The following NRG3 variants were observed in gnomAD, a reference collection of about 807,000 sequenced individuals.
NRG3 encodes pro-neuregulin-3, membrane-bound isoform.
NRG3 carries 31 observed loss-of-function variants against 66.9 expected under a neutral mutation model. The observed-to-expected ratio is 0.46, with a 90% CI of 0.35 to 0.63. The LOEUF is 0.63. Ranked by LOEUF, NRG3 falls within the 20% of genes least tolerant of loss-of-function variation. NRG3 has a pLI of 0.00. For synonymous variants in NRG3, 393 were observed against 359.4 expected, an observed-to-expected ratio of 1.09 and a Z score of -1.06; for missense variants, 910 against 878.9, an observed-to-expected ratio of 1.04 and a Z score of -0.45.
chr10:82,335,200 T>C (rs1726604406), intron 1 of NRG3, among the ~76,000 whole-genome samples: 1 of 152,186 alleles, frequency 6.6e-6, no homozygotes, highest in African/African-American at 2.4e-5. Context: ...TTAGGAGTGA[T>C]GATGTTTAGA....
At chr10:82,863,709 A>G (rs2064264636) in intron 3 of NRG3, among the ~76,000 whole-genome samples, 1 of 151,976 alleles carries the variant, frequency 6.6e-6, no homozygotes, top group African/African-American at 2.4e-5. Flanking sequence ...GGGTTGTACA[A>G]ACTTTATTCT....
intron 1 of NRG3, among the ~76,000 whole-genome samples, chr10:82,293,995 T>A (rs1248764403): frequency 6.6e-6 from 1 of 152,126 alleles, no homozygotes; most frequent in Non-Finnish European, 1.5e-5. Context: ...CCAGTTTGAA[T>A]TTGCTACTCT....
At chr10:82,773,364 T>C (rs1284731052) in intron 3 of NRG3, among the ~76,000 whole-genome samples, 3 of 152,184 alleles carry the variant, frequency 2.0e-5, no homozygotes, top group Admixed American at 1.3e-4. Flanking sequence ...AAATGAAATG[T>C]TGGGCATTGT....
At chr10:82,892,149 A>G (rs1843209927) in intron 4 of NRG3, among the ~76,000 whole-genome samples, 1 of 152,152 alleles carries the variant, frequency 6.6e-6, no homozygotes, top group African/African-American at 2.4e-5. Flanking sequence ...TAGATATAAG[A>G]GTTCTATTTT....
At position 82,591,816 on chromosome 10, in the gene NRG3, C is replaced by A. The variant is rs2046999602; in HGVS notation, c.954-146761C>A. Among the ~76,000 whole-genome samples, 3 of 152,196 alleles carry A rather than the reference C, an allele frequency of 2.0e-5. 1 individual carries two copies. The South Asian group carries it at 6.2e-4, about 32-fold the overall frequency. On this transcript the variant is annotated intron_variant, in intron 2 of 8. Transcript: ENST00000372141. ...TTTGTGAGTTATCAAATCTTTTAAG[C>A]AAAAAGGTTTTCTTTCTTCAGTCAC...
intron 1 of NRG3, among the ~76,000 whole-genome samples, chr10:82,242,785 G>A (rs1398396293): frequency 6.6e-6 from 1 of 152,146 alleles, no homozygotes; most frequent in African/African-American, 2.4e-5. Flanking sequence ...GTACATCTCA[G>A]GCAGGGAACC....
chr10:82,543,928 A>G (rs1381358537), intron 2 of NRG3, among the ~76,000 whole-genome samples: 1 of 152,210 alleles, frequency 6.6e-6, no homozygotes, highest in Non-Finnish European at 1.5e-5. Flanking sequence ...TATGACAACT[A>G]AGCAAAGACT....
At chr10:82,609,712 C>A (rs538429737) in intron 2 of NRG3, among the ~76,000 whole-genome samples, 2 of 152,116 alleles carry the variant, frequency 1.3e-5, no homozygotes, top group South Asian at 4.1e-4. Context: ...CAATGAAAAG[C>A]CAATGTAATG....
At chr10:82,417,622 A>G (rs2088676844) in intron 2 of NRG3, among the ~76,000 whole-genome samples, 1 of 152,204 alleles carries the variant, frequency 6.6e-6, no homozygotes, top group Non-Finnish European at 1.5e-5. Context: ...GGTGGTTGCT[A>G]TTAGATTTCC....
At chr10:82,828,713 A>G (rs187339094) in intron 3 of NRG3, among the ~76,000 whole-genome samples, 2 of 152,316 alleles carry the variant, frequency 1.3e-5, no homozygotes, top group East Asian at 3.9e-4. Flanking sequence ...ATTATAAACC[A>G]TGAAAGCTTA....
At chr10:82,244,962 G>A (rs2077170909) in intron 1 of NRG3, among the ~76,000 whole-genome samples, 2 of 152,032 alleles carry the variant, frequency 1.3e-5, no homozygotes, top group Admixed American at 1.3e-4. Context: ...TCAAACTCCT[G>A]AGCTCAATCT....
At position 82,515,198 on chromosome 10, in the gene NRG3, G is replaced by GA. The variant is rs965233551; in HGVS notation, c.953+156337dup. Among the ~76,000 whole-genome samples, 14 of 151,644 alleles carry GA rather than the reference G, an allele frequency of 9.2e-5. No individual in the cohort carries two copies. In the South Asian group the frequency reaches 1.0e-3, roughly 11 times the overall value. ...TTTCCAGTTGTGTCTAATTTCAAAA[G>GA]AAAAAAACAAACAATGTAACAGAAC... On this transcript the variant is annotated intron_variant, in intron 2 of 8. Coordinates refer to ENST00000372141, the MANE Select transcript of NRG3 (RefSeq NM_001010848.4).
At chr10:82,609,699 T>C (rs907403645) in intron 2 of NRG3, among the ~76,000 whole-genome samples, 4 of 152,160 alleles carry the variant, frequency 2.6e-5, no homozygotes, top group African/African-American at 9.7e-5. Flanking sequence ...CCAAACCTTA[T>C]TTCAATGAAA....
chr10:82,117,034 A>G (rs2067770345), intron 1 of NRG3, among the ~76,000 whole-genome samples: 3 of 152,060 alleles, frequency 2.0e-5, no homozygotes, highest in Non-Finnish European at 4.4e-5. Flanking sequence ...GTACCCCTAC[A>G]GCTCTTGCAC....
At chr10:82,620,515 C>T (rs2048974486) in intron 2 of NRG3, among the ~76,000 whole-genome samples, 1 of 152,090 alleles carries the variant, frequency 6.6e-6, no homozygotes, top group African/African-American at 2.4e-5. Context: ...CCCAGCCATC[C>T]CTCTGAAGTC....
At chr10:82,662,217 G>A (rs1292923579) in intron 2 of NRG3, among the ~76,000 whole-genome samples, 1 of 151,064 alleles carries the variant, frequency 6.6e-6, no homozygotes, top group Non-Finnish European at 1.5e-5. Context: ...TTTTATATAT[G>A]AATACAAAGC....
Position 82,176,880 on chromosome 10 carries a change from G to GACACACACACACACACACAC in NRG3, c.824-181853_824-181834dup, listed in dbSNP as rs142443398. ...CACAAAGCCTCGATTTTTAAAACAAGACACACACACACACACACACACACA... is the reference window on the plus strand; with the variant it reads ...CACAAAGCCTCGATTTTTAAAACAAGACACACACACACACACACACACACACACACACACACACACACACA... On this transcript the variant is annotated intron_variant, in intron 1 of 8. Transcript: ENST00000372141. Among the ~76,000 whole-genome samples the GACACACACACACACACACAC allele has an allele frequency of 1.8e-3, 259 of 146,230 alleles. 2 individuals carry two copies. Among genetic ancestry groups the GACACACACACACACACACAC allele is most frequent in the Admixed American group, 0.01 (148 of 14,408 alleles).
At chr10:81,918,630 T>C (rs1283591100) in intron 1 of NRG3, among the ~76,000 whole-genome samples, 2 of 152,186 alleles carry the variant, frequency 1.3e-5, no homozygotes, top group African/African-American at 4.8e-5. Flanking sequence ...AGCATGCACC[T>C]CTTTTCTTTG....
At chr10:82,616,482 C>T (rs2048657762) in intron 2 of NRG3, among the ~76,000 whole-genome samples, 1 of 152,104 alleles carries the variant, frequency 6.6e-6, no homozygotes, top group Admixed American at 6.5e-5. Context: ...CTTGTTAATC[C>T]CAGCCTTCCA....
Sources: gnomAD v4.1 joint callset for allele counts (sites outside exome capture counted in the v4.1 genomes callset) on GRCh38, gnomAD v4.1.1 for gene constraint, MANE v1.5 for transcripts, NCBI Gene and HGNC (gene_info 2026-07-23, HGNC 2026-07-21) for gene names.